Variants in FOCAD observed in about 807,000 individuals in gnomAD.
FOCAD encodes KIAA1797.
Under a neutral mutation model 225.6 loss-of-function variants are expected in FOCAD, and 198 were observed. The ratio of observed to expected loss-of-function variants is 0.88; its 90% confidence interval spans 0.78 to 0.99. The LOEUF (loss-of-function observed/expected upper bound fraction) is 0.99. Ranked by LOEUF, FOCAD falls within the 50% of genes least tolerant of loss-of-function variation. FOCAD has a pLI of 0.00. For synonymous variants in FOCAD, 897 were observed against 755.0 expected (o/e 1.19, Z -3.08); for missense variants, 2,713 against 2,123.6 (o/e 1.28, Z -5.46).
intron 40 of FOCAD, 134 bp downstream of exon 40, chr9:20,986,599 TGAG>T: frequency 1.5e-6 from 1 of 657,094 alleles, no homozygotes; most frequent in Non-Finnish European, 2.4e-6. Context: ...TGGTGCCAAA[TGAG>T]GAGTAACTTG....
chr9:20,922,601 G>A (rs554158115), intron 24 of FOCAD, among the ~76,000 whole-genome samples: 123 of 152,328 alleles, frequency 8.1e-4, no homozygotes, highest in Admixed American at 3.6e-3. Context: ...CATTTAGGGA[G>A]CAGAGCTGAA....
chr9:20,978,399 A>G lies in FOCAD; in HGVS notation c.4322A>G (p.Asn1441Ser), dbSNP rs2132603368. 2 of 1,612,296 alleles carry G rather than the reference A, an allele frequency of 1.2e-6. No individual in the cohort carries two copies. Among genetic ancestry groups the G allele is most frequent in the Middle Eastern group, 1.7e-4 (1 of 6,054 alleles). The change falls in exon 37 of 44, where the codon AAT becomes AGT. Residue 1441 changes from asparagine (N) to serine (S), a missense_variant. Coordinates refer to ENST00000338382, the MANE Select transcript of FOCAD (RefSeq NM_001375567.1). The part of the protein sequence containing the change: ...IMVTQAQSSQ[N>S]AAALLGLWVT... ...GTGACCCAGGCACAGTCATCCCAGA[A>G]TGCAGCTGCACTATTGGGCTTGTGG... is the stretch of plus-strand genomic sequence containing the variant.
At chr9:20,892,254 A>G (rs1033767896) in intron 21 of FOCAD, among the ~76,000 whole-genome samples, 6 of 152,194 alleles carry the variant, frequency 3.9e-5, no homozygotes, top group East Asian at 1.9e-4. Flanking sequence ...TCTGCAGCCC[A>G]TGGATCAAGG....
chr9:20,758,874 A>T (rs201074736), intron 6 of FOCAD, among the ~76,000 whole-genome samples: 2 of 152,258 alleles, frequency 1.3e-5, no homozygotes, highest in African/African-American at 4.8e-5. Flanking sequence ...AACCCCACTG[A>T]CTCAGCCCAA....
intron 8 of FOCAD, among the ~76,000 whole-genome samples, chr9:20,770,981 C>G (rs750368067): frequency 1.3e-4 from 19 of 151,822 alleles, no homozygotes; most frequent in Non-Finnish European, 2.5e-4. Flanking sequence ...ATGCAAATAA[C>G]TAAATTATAG....
intron 16 of FOCAD, among the ~76,000 whole-genome samples, chr9:20,865,412 G>A (rs771792541): frequency 4.6e-5 from 7 of 152,020 alleles, no homozygotes; most frequent in Non-Finnish European, 8.8e-5. Context: ...GAAGGTAAAT[G>A]GCTTTTATGC....
intron 4 of FOCAD, among the ~76,000 whole-genome samples, chr9:20,723,590 C>A (rs1825962104): frequency 6.6e-6 from 1 of 152,088 alleles, no homozygotes; most frequent in Non-Finnish European, 1.5e-5. Flanking sequence ...TGTGTTTTAT[C>A]CCCCCTGTGG....
At chr9:20,679,115 CTGTG>C (rs1221269261) in intron 2 of FOCAD, among the ~76,000 whole-genome samples, 1 of 92,964 alleles carries the variant, frequency 1.1e-5, no homozygotes, top group South Asian at 3.9e-4. Context: ...AACAGACAGT[CTGTG>C]TATGTGTGTG....
chr9:20,916,939 T>C lies in FOCAD; in HGVS notation c.2852+2T>C, dbSNP rs2132087140. On this transcript the variant is annotated splice_donor_variant, in intron 24 of 43. Coordinates refer to ENST00000338382, the MANE Select transcript of FOCAD (RefSeq NM_001375567.1). LOFTEE classifies it high-confidence loss of function. ...TGAGATCACCAAGGCAGCTGCAAAG[T>C]AAGATCCATTTAGTCTTTTATCAAA... 6.2e-7 allele frequency: 1 copy of C among 1,601,136 alleles called. No homozygotes were observed. Among genetic ancestry groups the C allele is most frequent in the East Asian group, 2.3e-5 (1 of 44,232 alleles).
At chr9:20,813,242 T>C (rs1823279316) in intron 11 of FOCAD, among the ~76,000 whole-genome samples, 1 of 152,228 alleles carries the variant, frequency 6.6e-6, no homozygotes, top group Non-Finnish European at 1.5e-5. Context: ...TATACCACAC[T>C]GTGTTTATCC....
chr9:20,665,601 G>C (rs1821877719), intron 2 of FOCAD, among the ~76,000 whole-genome samples: 1 of 152,178 alleles, frequency 6.6e-6, no homozygotes, highest in Non-Finnish European at 1.5e-5. Flanking sequence ...GAGTAAATAT[G>C]TTGGTGAAAA....
chr9:20,755,457 A>AT (rs1294696915), intron 5 of FOCAD, among the ~76,000 whole-genome samples: 1 of 152,100 alleles, frequency 6.6e-6, no homozygotes, highest in African/African-American at 2.4e-5. Flanking sequence ...ATTTTATACT[A>AT]TTTTTTATTT....
At chr9:20,698,149 G>A (rs1202614860) in intron 1 of FOCAD, among the ~76,000 whole-genome samples, 3 of 152,086 alleles carry the variant, frequency 2.0e-5, no homozygotes, top group African/African-American at 7.2e-5. Flanking sequence ...TTTTTTATTT[G>A]AGGAGAATTA....
At chr9:20,866,887 G>GTTTTT (rs745582856) in intron 17 of FOCAD, 42 bp from the exon 18 acceptor site, 5 of 451,154 alleles carry the variant, frequency 1.1e-5, no homozygotes, top group African/African-American at 7.4e-5. Context: ...TTGTTTGCTT[G>GTTTTT]CTTTTTTTTT....
intron 1 of FOCAD, among the ~76,000 whole-genome samples, chr9:20,688,504 A>G (rs1295879527): frequency 6.6e-6 from 1 of 152,166 alleles, no homozygotes; most frequent in Non-Finnish European, 1.5e-5. Context: ...TTCAGTGGGT[A>G]TTTGGCTGCT....
In FOCAD at chr9:20,758,183, C is replaced by A. The variant is rs147845879; in HGVS notation, c.486C>A (p.Cys162Ter). ...AGCTGACAGCGTTTTTCCAGCAGTGCCCTGAAAGGTAATGTAAAATAAAAG... is the reference window on the plus strand; with the variant it reads ...AGCTGACAGCGTTTTTCCAGCAGTGACCTGAAAGGTAATGTAAAATAAAAG... ...LQQLTAFFQQ[C>*]PERLEVSCIQ... The change falls in exon 6 of 44, where the codon TGC (cysteine) becomes TGA (stop). Residue 162 changes from cysteine to a stop codon, truncating the protein, a stop_gained. Transcript: ENST00000338382. LOFTEE classifies it high-confidence loss of function. 1 of 1,609,328 alleles carries A rather than the reference C, an allele frequency of 6.2e-7. No homozygotes were observed.
At position 20,752,291 on chromosome 9, in the gene FOCAD, G is replaced by T. The variant is rs1391971452; in HGVS notation, c.393-5799G>T. 6.0e-5 allele frequency among the ~76,000 whole-genome samples: 9 copies of T among 150,924 alleles called. No individual in the cohort carries two copies. The South Asian group carries it at 6.2e-4, about 10-fold the overall frequency. ...TTCTTCTAGGGTTTTTATGGTTTTA[G>T]GTCTAACGTTTAAGTCTTTAATCCA... On this transcript the variant is annotated intron_variant, in intron 5 of 43. Transcript: ENST00000338382.
Position 20,751,606 on chromosome 9 carries a change from T to C in FOCAD, c.393-6484T>C, listed in dbSNP as rs1282573004. On this transcript the variant is annotated intron_variant, in intron 5 of 43. Coordinates refer to ENST00000338382, the MANE Select transcript of FOCAD (RefSeq NM_001375567.1). ...AAGTCTTTGCTATTGTGAATAGTGCTGCAATAAACATATGTGTGCCTGTGT... is the reference window on the plus strand; with the variant it reads ...AAGTCTTTGCTATTGTGAATAGTGCCGCAATAAACATATGTGTGCCTGTGT... 1.9e-3 allele frequency among the ~76,000 whole-genome samples: 256 copies of C among 138,024 alleles called. 2 individuals carry two copies. In the East Asian group the frequency reaches 0.039, roughly 21 times the overall value. The allele number at this position is 138,024 out of a possible 152,430, so 90.5% of individuals were successfully genotyped here. A position where few individuals can be genotyped will look rare whatever the true frequency, so the allele number is the denominator to read the frequency against.
rs1225961984 is a variant in FOCAD at position 20,823,029 on chromosome 9, C to G, written c.1834C>G (p.Gln612Glu). The G allele has an allele frequency of 1.2e-6, 2 of 1,607,796 alleles. No homozygotes were observed. The highest frequency in any genetic ancestry group is 1.7e-6 in the Non-Finnish European group (2 of 1,177,780). ...HGADMLAAIS[Q>E]VLNECTKPDQ... ...TGCAGATATGTTGGCAGCTATTTCT[C>G]AAGTGTTGAATGAATGCACCAAGCC... Residue 612 changes from glutamine to glutamate, a missense_variant, in exon 15 of 44, where the codon CAA (glutamine) becomes GAA (glutamate). Gln to Glu is a conservative substitution (Grantham distance 29). Transcript: ENST00000338382.
Sources: gnomAD v4.1 joint callset for allele counts (sites outside exome capture counted in the v4.1 genomes callset) on GRCh38, gnomAD v4.1.1 for gene constraint, MANE v1.5 for transcripts, NCBI Gene and HGNC (gene_info 2026-07-23, HGNC 2026-07-21) for gene names.